Variants in SP3 observed in about 807,000 individuals in gnomAD.
SP3 encodes the protein transcription factor Sp3.
Under a neutral mutation model 70.3 loss-of-function variants are expected in SP3, and 10 were observed. The observed-to-expected ratio is 0.14, with a 90% confidence interval of 0.09 to 0.24. The LOEUF is 0.24. SP3 is among the 10% of genes least tolerant of loss of function. The pLI is 1.00. For synonymous variants in SP3, 402 were observed against 333.5 expected, an observed-to-expected ratio of 1.21 and a Z score of -2.24; for missense variants, 825 against 914.6, an observed-to-expected ratio of 0.90 and a Z score of 1.26.
Position 173,901,695 on chromosome 2 carries a change from C to CT in SP3, c.*8245dup, listed in dbSNP as rs34329180. On this transcript the variant is annotated 3_prime_UTR_variant, in exon 7 of 7. Coordinates refer to ENST00000310015, the MANE Select transcript of SP3 (RefSeq NM_003111.5). ...GGGAAACAGTTAGTTGGACTTAAGC[C>CT]TTTTTTTTTTTTTTTTTTTTTTTTG... Among the ~76,000 whole-genome samples the CT allele has an allele frequency of 1.0e-2, 741 of 74,454 alleles. 1 individual carries two copies. The highest frequency in any genetic ancestry group is 0.013 in the South Asian group (20 of 1,514). The allele number at this position is 74,454 out of a possible 152,430, so 48.8% of individuals were successfully genotyped here.
rs1047640 is a variant in SP3 at position 173,956,022 on chromosome 2, T to C, written c.490A>G (p.Thr164Ala). The C allele has an allele frequency of 0.13, 207,687 of 1,614,096 alleles. 14,870 individuals carry two copies. The highest frequency in any genetic ancestry group is 0.32 in the East Asian group (14,294 of 44,880). ...ACTTGATATTGAACACTGGACACTGTACCATTTGATGAATCTGATCCTGGT... is the reference window on the plus strand; with the variant it reads ...ACTTGATATTGAACACTGGACACTGCACCATTTGATGAATCTGATCCTGGT... ...VAPGSDSSNG[T>A]VSSVQYQVIP... Residue 164 changes from threonine (T) to alanine (A), a missense_variant, in exon 4 of 7, where the codon ACA (threonine) becomes GCA (alanine). Transcript: ENST00000310015.
At chr2:173,940,879 C>T (rs1260922877) in intron 4 of SP3, among the ~76,000 whole-genome samples, 5 of 152,106 alleles carry the variant, frequency 3.3e-5, no homozygotes, top group African/African-American at 1.2e-4. Context: ...TTCCAATCAA[C>T]ATATCTGTAT....
At chr2:173,949,116 T>C (rs1690632532) in intron 4 of SP3, among the ~76,000 whole-genome samples, 2 of 152,188 alleles carry the variant, frequency 1.3e-5, no homozygotes, top group Non-Finnish European at 2.9e-5. Flanking sequence ...TTTTGTCTAT[T>C]CTTTTTGTAA....
In SP3 at chr2:173,910,272, A is replaced by AT; in HGVS notation, c.2030-16dup. 1 of 1,610,334 alleles carries AT rather than the reference A, an allele frequency of 6.2e-7. No individual in the cohort carries two copies. The highest frequency in any genetic ancestry group is 8.5e-7 in the Non-Finnish European group (1 of 1,178,280). ...TTTCTTCTCACCTGTTAAGAAAAAA[A>AT]TTAAGTTACTTGGTTTTAAAAATTC... On this transcript the variant is annotated splice_polypyrimidine_tract_variant and intron_variant, in intron 6 of 6. Transcript: ENST00000310015.
intron 5 of SP3, chr2:173,913,472 GAATT>G (rs1279277632): frequency 6.6e-5 from 23 of 350,808 alleles, no homozygotes; most frequent in East Asian, 3.5e-4. Flanking sequence ...CCTTACTCCA[GAATT>G]AATGTGATTG....
In SP3 at chr2:173,964,536, T is replaced by C. The variant is rs745705930; in HGVS notation, c.25A>G (p.Lys9Glu). 6.0e-6 allele frequency: 3 copies of C among 496,068 alleles called. No individual in the cohort carries two copies. Among genetic ancestry groups the C allele is most frequent in the South Asian group, 3.1e-5 (2 of 63,954 alleles). 30.7% of individuals were successfully genotyped at this position (496,068 alleles called of 1,614,324 possible). A position where few individuals can be genotyped will look rare whatever the true frequency, so the allele number is the denominator to read the frequency against. ...TCCAAGGCAGCCATTTCCTCTTGTT[T>C]CACGGGCTTTTCGGGAGCTGCAGGC... is the stretch of plus-strand genomic sequence containing the variant. Reference protein sequence around the residue: MTAPEKPVKQEEMAALDVD... With the variant: MTAPEKPVEQEEMAALDVD... Residue 9 changes from lysine (K) to glutamate (E), a missense_variant, in exon 2 of 7, where the codon AAA becomes GAA. Transcript: ENST00000310015.
intron 4 of SP3, among the ~76,000 whole-genome samples, chr2:173,928,459 CCAA>C (rs779259606): frequency 2.0e-5 from 3 of 151,218 alleles, no homozygotes; most frequent in African/African-American, 4.9e-5. Flanking sequence ...AAACAACCAA[CCAA>C]CAACAACAAA....
chr2:173,928,492 TCTTC>T, intron 4 of SP3, among the ~76,000 whole-genome samples: 1 of 150,594 alleles, frequency 6.6e-6, no homozygotes, highest in Non-Finnish European at 1.5e-5. Context: ...TTTGGGGTTT[TCTTC>T]CTTCATTAAA....
At chr2:173,951,743 T>G (rs1690717008) in intron 4 of SP3, among the ~76,000 whole-genome samples, 1 of 152,184 alleles carries the variant, frequency 6.6e-6, no homozygotes, top group Admixed American at 6.5e-5. Context: ...TCAGTCCAAA[T>G]GTGGAATCTG....
At chr2:173,917,370 G>A (rs1689640659) in intron 5 of SP3, among the ~76,000 whole-genome samples, 1 of 152,094 alleles carries the variant, frequency 6.6e-6, no homozygotes, top group Non-Finnish European at 1.5e-5. Flanking sequence ...TGTAGAAGGA[G>A]AGTCACTTGG....
At chr2:173,921,471 T>C (rs563605476) in intron 4 of SP3, among the ~76,000 whole-genome samples, 4 of 152,208 alleles carry the variant, frequency 2.6e-5, no homozygotes, top group East Asian at 1.9e-4. Context: ...GGAGAAACGA[T>C]TGAACCTAGG....
chr2:173,930,651 C>G (rs117790353), intron 4 of SP3, among the ~76,000 whole-genome samples: 2 of 152,182 alleles, frequency 1.3e-5, no homozygotes, highest in Non-Finnish European at 2.9e-5. Flanking sequence ...AGTTACTGCA[C>G]GTTAAGTTTT....
chr2:173,932,846 GCCAGGCTTGGCGGTGGGGT>G (rs1690103864), intron 4 of SP3, among the ~76,000 whole-genome samples: 2 of 152,012 alleles, frequency 1.3e-5, no homozygotes, highest in Non-Finnish European at 2.9e-5. Context: ...CAAAACATTA[GCCAGGCTTGGCGGTGGGGT>G]CCTGTAGTCC....
intron 4 of SP3, among the ~76,000 whole-genome samples, chr2:173,935,331 G>C (rs1574411055): frequency 1.3e-5 from 2 of 152,276 alleles, no homozygotes; most frequent in Admixed American, 1.3e-4. Flanking sequence ...ACCTCTGCTA[G>C]AACTATCTAG....
intron 4 of SP3, among the ~76,000 whole-genome samples, chr2:173,932,517 C>T (rs1690094483): frequency 6.6e-6 from 1 of 151,640 alleles, no homozygotes; most frequent in Non-Finnish European, 1.5e-5. Flanking sequence ...ATTGTTGTGT[C>T]TCAGGGAGGA....
intron 6 of SP3, among the ~76,000 whole-genome samples, chr2:173,911,328 A>T (rs1258839243): frequency 6.6e-6 from 1 of 152,194 alleles, no homozygotes; most frequent in Non-Finnish European, 1.5e-5. Context: ...ATCCTACTTA[A>T]CAGAAATGTT....
chr2:173,962,625 A>C (rs1691123056), intron 3 of SP3, among the ~76,000 whole-genome samples: 1 of 152,078 alleles, frequency 6.6e-6, no homozygotes, highest in Non-Finnish European at 1.5e-5. Flanking sequence ...TTTACCAGTA[A>C]TAGCTTAACA....
Position 173,955,080 on chromosome 2 carries a change from G to C in SP3, c.1432C>G (p.Gln478Glu), listed in dbSNP as rs1690835757. The change falls in exon 4 of 7, where the codon CAA becomes GAA. Residue 478 changes from glutamine (Q) to glutamate (E), a missense_variant. Around this residue, in one of 4 missense-constraint regions of SP3, gnomAD observed 678 missense variants for 651.6 expected, o/e 1.04. Coordinates refer to ENST00000310015, the MANE Select transcript of SP3 (RefSeq NM_003111.5). ...VQGVQNLQNL[Q>E]IQNTAAQQIT... ...TGTTGGGCAGCAGTATTCTGTATTT[G>C]CAAATTCTGCAAGTTCTGGACCCCT... 1 of 1,614,178 alleles carries C rather than the reference G, an allele frequency of 6.2e-7. No homozygotes were observed. Among genetic ancestry groups the C allele is most frequent in the African/African-American group, 1.3e-5 (1 of 75,036 alleles).
chr2:173,902,987 A>G lies in SP3; in HGVS notation c.*6954T>C, dbSNP rs778552742. The stretch of plus-strand genomic sequence containing the variant: ...GGTGATAGATACTTAGGTATTTGTT[A>G]CATTGTTTTCTGCATTTTTCTGTAT... On this transcript the variant is annotated 3_prime_UTR_variant, in exon 7 of 7. Transcript: ENST00000310015. Among the ~76,000 whole-genome samples the G allele has an allele frequency of 2.6e-5, 4 of 152,234 alleles. No homozygotes were observed. The highest frequency in any genetic ancestry group is 2.1e-4 in the South Asian group (1 of 4,836).
Sources: gnomAD v4.1 joint callset for allele counts (sites outside exome capture counted in the v4.1 genomes callset) on GRCh38, gnomAD v4.1.1 for gene constraint, gnomAD v4.1.1 regional missense constraint, MANE v1.5 for transcripts, NCBI Gene and HGNC (gene_info 2026-07-23, HGNC 2026-07-21) for gene names.